Variants in CNTNAP5 observed in about 807,000 individuals in gnomAD.
CNTNAP5 encodes contactin-associated protein-like 5.
Under a neutral mutation model 150.2 loss-of-function variants are expected in CNTNAP5, and 72 were observed. The ratio of observed to expected loss-of-function variants is 0.48; its 90% confidence interval spans 0.40 to 0.58. CNTNAP5 has a LOEUF of 0.58. Ranked by LOEUF, CNTNAP5 falls within the 20% of genes least tolerant of loss-of-function variation. CNTNAP5 has a pLI of 0.00. For missense variants in CNTNAP5, 1,636 were observed against 1,626.2 expected (o/e 1.01, Z -0.10); for synonymous variants, 672 against 619.8 (o/e 1.08, Z -1.25).
In CNTNAP5 at chr2:124,474,306, C is replaced by T. The variant is rs548056394; in HGVS notation, c.919-433C>T. ...ATTGTGGACAATCTTATGCATAAGG[C>T]TTTTTGCATACAATATAGGCTTTTA... is the stretch of plus-strand genomic sequence containing the variant. On this transcript the variant is annotated intron_variant, in intron 6 of 23. Coordinates refer to ENST00000682447, the MANE Select transcript of CNTNAP5 (RefSeq NM_001367498.1). Among the ~76,000 whole-genome samples the T allele has an allele frequency of 2.0e-5, 3 of 152,034 alleles. No homozygotes were observed. In the East Asian group the frequency reaches 5.8e-4, roughly 29 times the overall value.
In CNTNAP5 at chr2:124,655,457, G is replaced by A. The variant is rs891221777; in HGVS notation, c.2077+7499G>A. The stretch of plus-strand genomic sequence containing the variant: ...GTAAATAGTGCTGCAATAAACGTAC[G>A]TGTGCATGTGTCTTTATAGCAGAAT... On this transcript the variant is annotated intron_variant, in intron 13 of 23. Transcript: ENST00000682447. 7.2e-5 allele frequency among the ~76,000 whole-genome samples: 11 copies of A among 151,922 alleles called. No individual in the cohort carries two copies. The South Asian group carries it at 1.0e-3, about 14-fold the overall frequency.
rs1207441956 is a variant in CNTNAP5 at position 124,796,752 on chromosome 2, A to G, written c.2993-1344A>G. On this transcript the variant is annotated intron_variant, in intron 18 of 23. Transcript: ENST00000682447. ...GAGACTTTCATGGGGAATTTGGAAC[A>G]TTCCATATGCCATTTAGGGCAAAGG... Among the ~76,000 whole-genome samples, 3 of 152,336 alleles carry G rather than the reference A, an allele frequency of 2.0e-5. No homozygotes were observed. The East Asian group carries it at 5.8e-4, about 29-fold the overall frequency.
chr2:124,739,344 A>G (rs1365633624), intron 13 of CNTNAP5, among the ~76,000 whole-genome samples: 1 of 152,174 alleles, frequency 6.6e-6, no homozygotes, highest in Non-Finnish European at 1.5e-5. Flanking sequence ...ATTTTCAAAG[A>G]TGGATGAAGT....
chr2:124,508,855 A>C (rs1294829041), intron 8 of CNTNAP5, among the ~76,000 whole-genome samples: 1 of 152,240 alleles, frequency 6.6e-6, no homozygotes, highest in Admixed American at 6.5e-5. Flanking sequence ...ATAATCAAAC[A>C]AAAACAGTTT....
At chr2:124,313,502 G>T (rs1688884779) in intron 3 of CNTNAP5, among the ~76,000 whole-genome samples, 1 of 152,180 alleles carries the variant, frequency 6.6e-6, no homozygotes, top group Non-Finnish European at 1.5e-5. Flanking sequence ...TTTGTTCACA[G>T]AATTGCCTAG....
At chr2:124,419,152 A>AAAACAAAAAAAC (rs1692013338) in intron 4 of CNTNAP5, among the ~76,000 whole-genome samples, 1 of 120,996 alleles carries the variant, frequency 8.3e-6, no homozygotes, top group African/African-American at 2.8e-5. Flanking sequence ...AAAAAAAAAA[A>AAAACAAAAAAAC]AAAAAAAAAA....
intron 2 of CNTNAP5, among the ~76,000 whole-genome samples, chr2:124,230,504 GT>G (rs1287904372): frequency 1.3e-5 from 2 of 150,586 alleles, no homozygotes; most frequent in African/African-American, 4.9e-5. Context: ...GTGTGTGTGT[GT>G]GTGTGTGTAT....
At chr2:124,522,572 C>A (rs1416207948) in intron 8 of CNTNAP5, among the ~76,000 whole-genome samples, 1 of 152,202 alleles carries the variant, frequency 6.6e-6, no homozygotes, top group Non-Finnish European at 1.5e-5. Context: ...CACATTAGAA[C>A]CACCCAAGGA....
intron 1 of CNTNAP5, among the ~76,000 whole-genome samples, chr2:124,210,400 T>C (rs1446599797): frequency 6.6e-6 from 1 of 152,200 alleles, no homozygotes; most frequent in Non-Finnish European, 1.5e-5. Flanking sequence ...ACAAAATAGA[T>C]TGTCAATAGA....
chr2:124,063,197 T>G (rs1168401061), intron 1 of CNTNAP5, among the ~76,000 whole-genome samples: 4 of 152,018 alleles, frequency 2.6e-5, no homozygotes, highest in African/African-American at 9.7e-5. Flanking sequence ...TCATAAATAC[T>G]AATTTATGAG....
At chr2:124,268,472 T>C (rs570898678) in intron 3 of CNTNAP5, among the ~76,000 whole-genome samples, 113 of 152,336 alleles carry the variant, frequency 7.4e-4, no homozygotes, top group African/African-American at 2.6e-3. Flanking sequence ...TGTAGTGCTC[T>C]TCTGACCAAG....
intron 3 of CNTNAP5, among the ~76,000 whole-genome samples, chr2:124,354,953 T>C (rs1689960020): frequency 6.6e-6 from 1 of 152,072 alleles, no homozygotes; most frequent in Admixed American, 6.6e-5. Context: ...GTCTCAGAGA[T>C]GACTCTTGAA....
At chr2:124,846,893 G>T (rs1558798610) in intron 19 of CNTNAP5, among the ~76,000 whole-genome samples, 1 of 152,186 alleles carries the variant, frequency 6.6e-6, no homozygotes, top group Non-Finnish European at 1.5e-5. Context: ...TGGTATTGGA[G>T]AGCTTCTGCA....
At chr2:124,447,977 A>AGGC (rs1346959877) in intron 6 of CNTNAP5, among the ~76,000 whole-genome samples, 1 of 152,136 alleles carries the variant, frequency 6.6e-6, no homozygotes, top group Non-Finnish European at 1.5e-5. Context: ...GCATTATTAA[A>AGGC]AATTAAGTTG....
intron 1 of CNTNAP5, among the ~76,000 whole-genome samples, chr2:124,079,488 T>G (rs919434763): frequency 1.4e-5 from 2 of 144,648 alleles, no homozygotes; most frequent in South Asian, 2.4e-4. Flanking sequence ...GCTCTATCCT[T>G]TTTATCTATC....
At chr2:124,610,854 G>T (rs957035809) in intron 12 of CNTNAP5, among the ~76,000 whole-genome samples, 3 of 152,016 alleles carry the variant, frequency 2.0e-5, no homozygotes, top group African/African-American at 7.2e-5. Context: ...CTACTCCCGA[G>T]GCTGAGGCAC....
rs565923487 is a variant in CNTNAP5 at position 124,634,455 on chromosome 2, G to T, written c.1877-13303G>T. ...TGACCTTTGCTCCAGTTCCTAATAAGTTTCTTTTTATATATGATGCACACA... is the reference window on the plus strand; with the variant it reads ...TGACCTTTGCTCCAGTTCCTAATAATTTTCTTTTTATATATGATGCACACA... On this transcript the variant is annotated intron_variant, in intron 12 of 23. Transcript: ENST00000682447. Among the ~76,000 whole-genome samples the T allele has an allele frequency of 3.9e-5, 6 of 152,076 alleles. No individual in the cohort carries two copies. The South Asian group carries it at 1.2e-3, about 32-fold the overall frequency.
chr2:124,549,899 T>C (rs2047875), intron 10 of CNTNAP5, among the ~76,000 whole-genome samples: 68,731 of 152,160 alleles, frequency 0.45, 16,176 homozygotes, highest in Middle Eastern at 0.62. Flanking sequence ...ATGCAGGTGT[T>C]CCTGAGCATG....
intron 20 of CNTNAP5, among the ~76,000 whole-genome samples, chr2:124,867,318 C>G (rs768712386): frequency 2.6e-5 from 4 of 152,084 alleles, no homozygotes; most frequent in Non-Finnish European, 5.9e-5. Flanking sequence ...CTTTTCTTGC[C>G]CGAATTTTTG....
Sources: gnomAD v4.1 joint callset for allele counts (sites outside exome capture counted in the v4.1 genomes callset) on GRCh38, gnomAD v4.1.1 for gene constraint, MANE v1.5 for transcripts, NCBI Gene and HGNC (gene_info 2026-07-23, HGNC 2026-07-21) for gene names.